Variants in KIR2DL3 observed in about 807,000 individuals in gnomAD.
The protein encoded by KIR2DL3 is killer cell immunoglobulin-like receptor 2DL3.
Under a neutral mutation model 33.8 loss-of-function variants are expected in KIR2DL3, and 39 were observed. That is an observed-to-expected ratio of 1.15 (90% CI 0.89 to 1.51). KIR2DL3 has a LOEUF of 1.51. KIR2DL3 is among the 40% of genes most tolerant of loss of function. The pLI, the probability that KIR2DL3 is intolerant of heterozygous loss-of-function variation, is 0.00. For synonymous variants in KIR2DL3, 174 were observed against 160.2 expected (o/e 1.09, Z -0.65); for missense variants, 462 against 426.2 (o/e 1.08, Z -0.74).
intron 2 of KIR2DL3, among the ~76,000 whole-genome samples, chr19:54,741,149 C>T (rs1369820050): frequency 6.6e-6 from 1 of 151,410 alleles, no homozygotes; most frequent in African/African-American, 2.4e-5. Context: ...GAAACCAACA[C>T]TGGAACCCAG....
chr19:54,739,964 G>A (rs2070709077), intron 2 of KIR2DL3, among the ~76,000 whole-genome samples: 4 of 152,122 alleles, frequency 2.6e-5, no homozygotes. Flanking sequence ...GGCATCCGCT[G>A]ATATCCATTC....
intron 6 of KIR2DL3, among the ~76,000 whole-genome samples, chr19:54,752,000 C>G (rs551042541): frequency 1.5e-5 from 2 of 135,072 alleles, no homozygotes; most frequent in African/African-American, 5.5e-5. Context: ...GGTTCCATGA[C>G]AGGCAGAAAG....
At chr19:54,751,152 G>T in intron 5 of KIR2DL3, among the ~76,000 whole-genome samples, 1 of 132,624 alleles carries the variant, frequency 7.5e-6, no homozygotes, top group Non-Finnish European at 1.6e-5. Context: ...GCCTCAGGCT[G>T]CTCCCACTCT....
At chr19:54,751,894 G>T in intron 6 of KIR2DL3, 141 bp downstream of exon 6, 1 of 778,348 alleles carries the variant, frequency 1.3e-6, no homozygotes. Context: ...TCTAGAGAGA[G>T]CACCAGACTC....
intron 2 of KIR2DL3, 114 bp downstream of exon 2, chr19:54,739,656 G>C: frequency 6.4e-7 from 1 of 1,570,430 alleles, no homozygotes; most frequent in Non-Finnish European, 8.7e-7. Flanking sequence ...GAGGACCCTG[G>C]GGTGCTCAGC....
intron 2 of KIR2DL3, among the ~76,000 whole-genome samples, chr19:54,741,652 C>G (rs2071140901): frequency 6.6e-6 from 1 of 151,800 alleles, no homozygotes; most frequent in South Asian, 2.1e-4. Context: ...TGATAAGAGC[C>G]TGGATGTGCA....
Position 54,741,275 on chromosome 19 carries a change from G to A in KIR2DL3, c.71-705G>A, listed in dbSNP as rs1212905105. Among the ~76,000 whole-genome samples, 4 of 151,434 alleles carry A rather than the reference G, an allele frequency of 2.6e-5. No individual in the cohort carries two copies. The South Asian group carries it at 6.3e-4, about 24-fold the overall frequency. ...GAATCACTTGAACCCAGGAGACAGA[G>A]GTTGCAGTGAGCCTAGACCACACCA... is the stretch of plus-strand genomic sequence containing the variant. On this transcript the variant is annotated intron_variant, in intron 2 of 7. Coordinates refer to ENST00000342376, the MANE Select transcript of KIR2DL3 (RefSeq NM_015868.3).
chr19:54,739,564 C>G, intron 2 of KIR2DL3, 22 bp downstream of exon 2: 1 of 1,563,844 alleles, frequency 6.4e-7, no homozygotes, highest in Non-Finnish European at 8.7e-7. Context: ...TCCAAACCTT[C>G]GGGTGTCATC....
At chr19:54,746,737 C>G (rs1245913817) in intron 4 of KIR2DL3, among the ~76,000 whole-genome samples, 4 of 150,410 alleles carry the variant, frequency 2.7e-5, no homozygotes, top group African/African-American at 7.3e-5. Context: ...AATTTCAGCA[C>G]TTTGGGAGCC....
chr19:54,750,379 C>A (rs1390701930), intron 5 of KIR2DL3, among the ~76,000 whole-genome samples: 1 of 141,972 alleles, frequency 7.0e-6, no homozygotes, highest in East Asian at 2.0e-4. Context: ...TGGTCCTTCC[C>A]CCAGCCTCTC....
chr19:54,739,487 A>G lies in KIR2DL3; in HGVS notation c.35-20A>G. The G allele has an allele frequency of 1.2e-6, 2 of 1,613,960 alleles. No individual in the cohort carries two copies. The highest frequency in any genetic ancestry group is 1.7e-6 in the Non-Finnish European group (2 of 1,179,888). On this transcript the variant is annotated intron_variant, in intron 1 of 7. Coordinates refer to ENST00000342376, the MANE Select transcript of KIR2DL3 (RefSeq NM_015868.3). ...TGGTTTGCCTGCAGATGGATGGTCC[A>G]TCATGATCTTTCTTTCCAGGGTTCT...
rs374494311 is a variant in KIR2DL3, at chr19:54,745,714, C to T, written c.665-1621C>T. Among the ~76,000 whole-genome samples, 139 of 151,834 alleles carry T rather than the reference C, an allele frequency of 9.2e-4. No individual in the cohort carries two copies. The East Asian group carries it at 0.025, about 27-fold the overall frequency. On this transcript the variant is annotated intron_variant, in intron 4 of 7. Coordinates refer to ENST00000342376, the MANE Select transcript of KIR2DL3 (RefSeq NM_015868.3). ...CACACTTTTCTCCGTAAAGGCTGTACTAATTTACACTCCTACCAACAGGGT... is the reference window on the plus strand; with the variant it reads ...CACACTTTTCTCCGTAAAGGCTGTATTAATTTACACTCCTACCAACAGGGT...
chr19:54,748,218 C>T (rs200613133), intron 5 of KIR2DL3, among the ~76,000 whole-genome samples: 4,971 of 111,986 alleles, frequency 0.044, no homozygotes, highest in South Asian at 0.12. Flanking sequence ...CTTACCACAC[C>T]TCTTTCTCTG....
intron 2 of KIR2DL3, 84 bp from the exon 3 acceptor site, chr19:54,741,896 C>G (rs563052818): frequency 8.2e-6 from 11 of 1,343,424 alleles, no homozygotes; most frequent in South Asian, 1.3e-5. Context: ...CAGACACCAG[C>G]AAGGGGAAGC....
At chr19:54,752,139 G>C in intron 6 of KIR2DL3, 77 bp from the exon 7 acceptor site, 2 of 1,388,076 alleles carry the variant, frequency 1.4e-6, no homozygotes, top group Non-Finnish European at 2.0e-6. Flanking sequence ...GTCTCCCCCT[G>C]TATGTTGGTA....
At chr19:54,746,230 C>A (rs1350659667) in intron 4 of KIR2DL3, among the ~76,000 whole-genome samples, 1 of 133,342 alleles carries the variant, frequency 7.5e-6, no homozygotes, top group African/African-American at 2.8e-5. Flanking sequence ...GTGTTTTGCT[C>A]CTTTTTCAAT....
In KIR2DL3 at chr19:54,742,230, C is replaced by A. The variant is rs1370852789; in HGVS notation, c.321C>A (p.Ser107=). 3.7e-6 allele frequency: 6 copies of A among 1,614,164 alleles called. No individual in the cohort carries two copies. The Admixed American group carries it at 5.0e-5, about 13-fold the overall frequency. ...GATGCTACGGTTCTGTTACTCACTC[C>A]CCCTATCAGTTGTCAGCTCCCAGTG... ...TYRCYGSVTH[S]PYQLSAPSDP... is the part of the protein sequence containing the mutation. Residue 107 remains serine, a synonymous_variant, in exon 3 of 8, where the codon TCC becomes TCA. Transcript: ENST00000342376.
chr19:54,739,523 G>C lies in KIR2DL3; in HGVS notation c.51G>C (p.Gln17His). ...TCTTTCCAGGGTTCTTCTTGCTGCA[G>C]GGGGCCTGGCCACATGAGGGTGAGT... Reference protein sequence around the residue: ...SMVCVGFFLLQGAWPHEGVHR... With the variant: ...SMVCVGFFLLHGAWPHEGVHR... The change falls in exon 2 of 8, where the codon CAG (glutamine) becomes CAC (histidine). Residue 17 changes from glutamine (Q) to histidine (H), a missense_variant. Physicochemically the swap from Gln to His is conservative, Grantham distance 24. Coordinates refer to ENST00000342376, the MANE Select transcript of KIR2DL3 (RefSeq NM_015868.3). 6.2e-7 allele frequency: 1 copy of C among 1,612,996 alleles called. No individual in the cohort carries two copies. Among genetic ancestry groups the C allele is most frequent in the Non-Finnish European group, 8.5e-7 (1 of 1,179,792 alleles).
In KIR2DL3 at chr19:54,742,188, C is replaced by A. The variant is rs1215740880; in HGVS notation, c.279C>A (p.Asp93Glu). The A allele has an allele frequency of 4.3e-6, 7 of 1,614,166 alleles. No individual in the cohort carries two copies. The highest frequency in any genetic ancestry group is 5.9e-6 in the Non-Finnish European group (7 of 1,180,032). The change falls in exon 3 of 8, where the codon GAC becomes GAA. Residue 93 changes from aspartate to glutamate, a missense_variant. Asp to Glu is a conservative substitution (Grantham distance 45). Transcript: ENST00000342376. Reference protein sequence around the residue: ...ANFSIGPMMQDLAGTYRCYGS... With the variant: ...ANFSIGPMMQELAGTYRCYGS... ...TCTCCATCGGTCCCATGATGCAAGACCTTGCAGGGACCTACAGATGCTACG... is the reference window on the plus strand; with the variant it reads ...TCTCCATCGGTCCCATGATGCAAGAACTTGCAGGGACCTACAGATGCTACG...
Sources: allele counts gnomAD v4.1 joint callset (sites outside exome capture counted in the v4.1 genomes callset), GRCh38; gene constraint gnomAD v4.1.1; transcripts MANE v1.5; gene names NCBI Gene and HGNC (gene_info 2026-07-23, HGNC 2026-07-21).